The following PTPRN2 variants were observed in gnomAD, a reference collection of about 807,000 sequenced individuals.
PTPRN2 encodes the protein protein tyrosine phosphatase receptor type N2, also known as receptor-type tyrosine-protein phosphatase N2.
Under a neutral mutation model 118.8 loss-of-function variants are expected in PTPRN2, and 74 were observed. That is an observed-to-expected ratio of 0.62 (90% confidence interval 0.52 to 0.76). The LOEUF (loss-of-function observed/expected upper bound fraction) is 0.76. PTPRN2 is among the 30% of genes least tolerant of loss of function. The pLI, the probability that PTPRN2 is intolerant of heterozygous loss-of-function variation, is 0.00. For missense variants in PTPRN2, 1,481 were observed against 1,394.4 expected (o/e 1.06, Z -0.99); for synonymous variants, 641 against 608.0 (o/e 1.05, Z -0.80).
rs78424667 is a variant in PTPRN2 at position 158,033,299 on chromosome 7, T to C, written c.1723+47999A>G. ...TGGAGGAGGATGTGGGACGAGAGAA[T>C]GAGGAAGAAACGAGTCGGTGATTAG... is the stretch of plus-strand genomic sequence containing the variant. On this transcript the variant is annotated intron_variant, in intron 11 of 22. Coordinates refer to ENST00000389418, the MANE Select transcript of PTPRN2 (RefSeq NM_002847.5). 7.6e-4 allele frequency among the ~76,000 whole-genome samples: 116 copies of C among 152,212 alleles called. 5 individuals are homozygous for C. The East Asian group carries it at 0.018, about 23-fold the overall frequency.
chr7:158,028,251 A>G (rs979877201), intron 11 of PTPRN2: 1 of 152,288 alleles, frequency 6.6e-6, no homozygotes, highest in African/African-American at 2.4e-5. Context: ...CCTCTCCTCA[A>G]GTCCTGAGGA....
At chr7:158,383,428 A>C (rs1811111623) in intron 2 of PTPRN2, among the ~76,000 whole-genome samples, 1 of 152,170 alleles carries the variant, frequency 6.6e-6, no homozygotes, top group Admixed American at 6.6e-5. Context: ...CCAAAGTATA[A>C]TATACTCTTC....
At chr7:157,650,386 T>C (rs1369998733) in intron 14 of PTPRN2, among the ~76,000 whole-genome samples, 1 of 152,194 alleles carries the variant, frequency 6.6e-6, no homozygotes, top group Non-Finnish European at 1.5e-5. Flanking sequence ...AGAAACAGCT[T>C]TCCTGCAAAA....
intron 2 of PTPRN2, among the ~76,000 whole-genome samples, chr7:158,478,987 C>T (rs1820464785): frequency 6.6e-6 from 1 of 152,004 alleles, no homozygotes; most frequent in African/African-American, 2.4e-5. Flanking sequence ...CTAACAATAC[C>T]CACATTGTTG....
chr7:158,454,616 AC>A, intron 2 of PTPRN2, among the ~76,000 whole-genome samples: 1 of 152,150 alleles, frequency 6.6e-6, no homozygotes, highest in Admixed American at 6.5e-5. Flanking sequence ...CACAACGCAC[AC>A]AATCACCAAT....
chr7:157,824,185 C>A (rs1807026074), intron 12 of PTPRN2, among the ~76,000 whole-genome samples: 1 of 152,146 alleles, frequency 6.6e-6, no homozygotes, highest in South Asian at 2.1e-4. Context: ...TAGGAGCTGA[C>A]CACAAGTCCT....
intron 6 of PTPRN2, among the ~76,000 whole-genome samples, chr7:158,163,080 T>C (rs1822516198): frequency 6.6e-6 from 1 of 152,186 alleles, no homozygotes; most frequent in East Asian, 1.9e-4. Context: ...GATGTCTGGA[T>C]TTGCTTTAGA....
chr7:158,320,578 ACGTCCTCGGCAG>A (rs1802929029), intron 2 of PTPRN2, among the ~76,000 whole-genome samples: 1 of 146,706 alleles, frequency 6.8e-6, no homozygotes, highest in East Asian at 1.9e-4. Flanking sequence ...CCGTGTTCCC[ACGTCCTCGGCAG>A]CGCTGGGTGA....
At chr7:158,493,823 C>CTGCA (rs752680518) in intron 1 of PTPRN2, among the ~76,000 whole-genome samples, 1 of 150,438 alleles carries the variant, frequency 6.6e-6, no homozygotes, top group Non-Finnish European at 1.5e-5. Flanking sequence ...ACACGCACAC[C>CTGCA]TGCATGCATA....
intron 2 of PTPRN2, among the ~76,000 whole-genome samples, chr7:158,439,476 G>A (rs928112154): frequency 6.6e-6 from 1 of 152,158 alleles, no homozygotes; most frequent in Non-Finnish European, 1.5e-5. Flanking sequence ...AGAAGAAGTG[G>A]GGAAGAGAGA....
At chr7:158,115,319 T>C (rs934651439) in intron 9 of PTPRN2, among the ~76,000 whole-genome samples, 4 of 152,040 alleles carry the variant, frequency 2.6e-5, no homozygotes, top group Non-Finnish European at 5.9e-5. Flanking sequence ...TGGACCGTGG[T>C]AATGGTGACT....
intron 11 of PTPRN2, among the ~76,000 whole-genome samples, chr7:157,933,610 G>A (rs113546643): frequency 0.24 from 32,344 of 133,150 alleles, 761 homozygotes; most frequent in Non-Finnish European, 0.29. Flanking sequence ...GACAGTTTTA[G>A]TGGAGGGATG....
At chr7:157,642,301 C>T (rs1399314879) in intron 14 of PTPRN2, among the ~76,000 whole-genome samples, 1 of 152,236 alleles carries the variant, frequency 6.6e-6, no homozygotes, top group African/African-American at 2.4e-5. Context: ...AAGCAGAGCC[C>T]ACCTGACGCC....
At chr7:158,157,094 C>A (rs558300420) in intron 6 of PTPRN2, among the ~76,000 whole-genome samples, 1 of 151,474 alleles carries the variant, frequency 6.6e-6, no homozygotes, top group Non-Finnish European at 1.5e-5. Context: ...AAGGCCTCCC[C>A]ATTGTGCTTA....
chr7:157,563,543 G>A (rs1799323860), intron 21 of PTPRN2, among the ~76,000 whole-genome samples: 1 of 122,318 alleles, frequency 8.2e-6, no homozygotes, highest in African/African-American at 3.3e-5. Flanking sequence ...AGGACCACGT[G>A]CTCCCACGTC....
Position 158,324,018 on chromosome 7 carries a change from GACAC to G in PTPRN2, c.164-7090_164-7087del, listed in dbSNP as rs767168870. ...TCATTTGCATGCACTTGATTATGCA[GACAC>G]ACACACAGGAGCACGTACACACACA... On this transcript the variant is annotated intron_variant, in intron 2 of 22. Coordinates refer to ENST00000389418, the MANE Select transcript of PTPRN2 (RefSeq NM_002847.5). Among the ~76,000 whole-genome samples, 9 of 118,688 alleles carry G rather than the reference GACAC, an allele frequency of 7.6e-5. No homozygotes were observed. The East Asian group carries it at 1.5e-3, about 19-fold the overall frequency. The allele number at this position is 118,688 out of a possible 152,430, so 77.9% of individuals were successfully genotyped here. A position where few individuals can be genotyped will look rare whatever the true frequency, so the allele number is the denominator to read the frequency against.
At chr7:158,191,903 G>T (rs186195303) in intron 5 of PTPRN2, among the ~76,000 whole-genome samples, 1 of 152,094 alleles carries the variant, frequency 6.6e-6, no homozygotes, top group African/African-American at 2.4e-5. Context: ...TGCAGTAGTT[G>T]CACCTGGTGC....
rs77553307 is a variant in PTPRN2 at position 157,831,434 on chromosome 7, C to G, written c.1788+67239G>C. 6.8e-3 allele frequency among the ~76,000 whole-genome samples: 1,033 copies of G among 152,318 alleles called. 12 individuals are homozygous for G. The highest frequency in any genetic ancestry group is 0.024 in the African/African-American group (982 of 41,566). On this transcript the variant is annotated intron_variant, in intron 12 of 22. Transcript: ENST00000389418. The surrounding 1 kb of genome is among the most constrained non-coding windows in gnomAD (Gnocchi z 4.8). ...TGCGGGTTCTGTGTCCAGGGAAGAG[C>G]AGGGCAGGGCTGGGTGCATTTGGAG...
rs535619956 is a variant in PTPRN2, at chr7:158,204,279, G to C, written c.380+892C>G. Among the ~76,000 whole-genome samples, 426 of 151,984 alleles carry C rather than the reference G, an allele frequency of 2.8e-3. 1 individual carries two copies. The highest frequency in any genetic ancestry group is 9.7e-3 in the African/African-American group (401 of 41,484). On this transcript the variant is annotated intron_variant, in intron 4 of 22. Coordinates refer to ENST00000389418, the MANE Select transcript of PTPRN2 (RefSeq NM_002847.5). ...GCAGCCCCCGCCCTCAGTGTGCGCCGCGTTCTGAGGAAAGAGGCAACCCGC... is the reference window on the plus strand; with the variant it reads ...GCAGCCCCCGCCCTCAGTGTGCGCCCCGTTCTGAGGAAAGAGGCAACCCGC...
Sources: allele counts gnomAD v4.1 joint callset (sites outside exome capture counted in the v4.1 genomes callset), GRCh38; gene constraint gnomAD v4.1.1; non-coding constraint Gnocchi (gnomAD v3.1); transcripts MANE v1.5; gene names NCBI Gene and HGNC (gene_info 2026-07-23, HGNC 2026-07-21).